MYH15: variants seen among roughly 807,000 people sequenced by gnomAD.
MYH15 encodes the protein myosin-15.
In MYH15, 227 loss-of-function variants were observed where a neutral mutation model predicts 240.5. The ratio of observed to expected loss-of-function variants is 0.94; its 90% confidence interval spans 0.85 to 1.05. The LOEUF (loss-of-function observed/expected upper bound fraction) is 1.05. MYH15 is among the 50% of genes least tolerant of loss of function. The pLI is 0.00. For missense variants in MYH15, 2,217 were observed against 2,247.5 expected, an observed-to-expected ratio of 0.99 and a Z score of 0.27; for synonymous variants, 785 against 796.7, an observed-to-expected ratio of 0.99 and a Z score of 0.25.
At chr3:108,452,037 A>G (rs939600119) in intron 21 of MYH15, among the ~76,000 whole-genome samples, 4 of 151,864 alleles carry the variant, frequency 2.6e-5, no homozygotes, top group African/African-American at 9.7e-5. Context: ...AAGGGAAATG[A>G]TAGCTTTCCC....
intron 21 of MYH15, among the ~76,000 whole-genome samples, chr3:108,449,221 G>A (rs2082952858): frequency 1.3e-5 from 2 of 151,832 alleles, no homozygotes; most frequent in Admixed American, 1.3e-4. Flanking sequence ...AATTCCAATG[G>A]CATTTTTTAC....
chr3:108,487,790 A>C (rs532277142), intron 9 of MYH15, among the ~76,000 whole-genome samples: 1 of 152,368 alleles, frequency 6.6e-6, no homozygotes, highest in East Asian at 1.9e-4. Context: ...AAACACGTGC[A>C]GTGTACTTTA....
chr3:108,403,308 C>A (rs539346935), intron 33 of MYH15, among the ~76,000 whole-genome samples: 13 of 151,732 alleles, frequency 8.6e-5, no homozygotes, highest in Middle Eastern at 6.8e-3. Flanking sequence ...GGGTCTCTTT[C>A]TCTTGCTTTC....
intron 7 of MYH15, among the ~76,000 whole-genome samples, chr3:108,493,748 G>T (rs919976893): frequency 1.3e-5 from 2 of 152,148 alleles, no homozygotes; most frequent in Non-Finnish European, 2.9e-5. Context: ...CAGAGAAAGG[G>T]GGGGCATAAA....
chr3:108,457,040 G>A (rs2083028125), intron 18 of MYH15, among the ~76,000 whole-genome samples, 157 bp from the exon 19 acceptor site: 1 of 152,168 alleles, frequency 6.6e-6, no homozygotes, highest in African/African-American at 2.4e-5. Flanking sequence ...TGGCCTGATA[G>A]TACTCACAGT....
chr3:108,463,899 C>T (rs200203834), intron 15 of MYH15, among the ~76,000 whole-genome samples: 1 of 151,778 alleles, frequency 6.6e-6, no homozygotes, highest in East Asian at 1.9e-4. Context: ...TTCACACCAG[C>T]AGTCCTTTAA....
chr3:108,400,727 T>C (rs1213766644), intron 33 of MYH15, among the ~76,000 whole-genome samples: 1 of 152,108 alleles, frequency 6.6e-6, no homozygotes, highest in East Asian at 1.9e-4. Context: ...GAGAATCACT[T>C]GAACCCAGAA....
At position 108,435,697 on chromosome 3, in the gene MYH15, T is replaced by C. The variant is rs952187196; in HGVS notation, c.3221+1857A>G. ...TGTGTATGTATATTTTATATACATA[T>C]ATATATATATATATGTATGTATACA... is the stretch of plus-strand genomic sequence containing the variant. On this transcript the variant is annotated intron_variant, in intron 25 of 40. Transcript: ENST00000693548. 4.2e-5 allele frequency among the ~76,000 whole-genome samples: 6 copies of C among 144,074 alleles called. No individual in the cohort carries two copies. In the East Asian group the frequency reaches 9.7e-4, roughly 23 times the overall value. The allele number at this position is 144,074 out of a possible 152,430, so 94.5% of individuals were successfully genotyped here. A position where few individuals can be genotyped will look rare whatever the true frequency, so the allele number is the denominator to read the frequency against.
At chr3:108,412,810 A>G (rs1241114240) in intron 30 of MYH15, among the ~76,000 whole-genome samples, 1 of 152,214 alleles carries the variant, frequency 6.6e-6, no homozygotes, top group Non-Finnish European at 1.5e-5. Flanking sequence ...TGGAAATCAA[A>G]GCAGGCAAAT....
intron 21 of MYH15, among the ~76,000 whole-genome samples, chr3:108,450,253 A>G (rs771414819): frequency 6.6e-6 from 1 of 152,216 alleles, no homozygotes; most frequent in Admixed American, 6.5e-5. Context: ...CTGCACTACT[A>G]TGTTCATTGT....
At position 108,391,609 on chromosome 3, in the gene MYH15, T is replaced by C. The variant is rs945805698; in HGVS notation, c.5430+151A>G. 1.2e-5 allele frequency: 10 copies of C among 823,962 alleles called. No individual in the cohort carries two copies. In the African/African-American group the frequency reaches 1.6e-4, roughly 13 times the overall value. 51.0% of individuals were successfully genotyped at this position (823,962 alleles called of 1,614,324 possible). ...GTCAAGCAAAGAATGAATGCATATA[T>C]TGAGATCTGACACTCTTAAATATCT... On this transcript the variant is annotated intron_variant, in intron 37 of 40. Coordinates refer to ENST00000693548, the MANE Select transcript of MYH15 (RefSeq NM_014981.3).
chr3:108,470,237 A>C, intron 13 of MYH15, 25 bp from the exon 14 acceptor site: 1 of 1,508,576 alleles, frequency 6.6e-7, no homozygotes, highest in Non-Finnish European at 8.9e-7. Flanking sequence ...ATAGGTAAGA[A>C]GAAGAGATAA....
At chr3:108,385,670 G>A (rs2082378250) in intron 38 of MYH15, among the ~76,000 whole-genome samples, 1 of 152,168 alleles carries the variant, frequency 6.6e-6, no homozygotes, top group South Asian at 2.1e-4. Flanking sequence ...TTGAGAAGCT[G>A]ATTTAATCAA....
intron 14 of MYH15, 133 bp from the exon 15 acceptor site, chr3:108,464,947 A>G (rs2083102556): frequency 1.4e-6 from 1 of 729,974 alleles, no homozygotes; most frequent in Admixed American, 3.1e-5. Context: ...AAAACTAGCA[A>G]TCATCCATTC....
chr3:108,426,896 A>G (rs575332340), intron 27 of MYH15, among the ~76,000 whole-genome samples: 1 of 152,278 alleles, frequency 6.6e-6, no homozygotes, highest in Non-Finnish European at 1.5e-5. Context: ...AGTCAAAAAG[A>G]TTATTCCCCA....
At chr3:108,504,304 G>A (rs2083458158) in intron 2 of MYH15, among the ~76,000 whole-genome samples, 1 of 152,126 alleles carries the variant, frequency 6.6e-6, no homozygotes, top group African/African-American at 2.4e-5. Context: ...ATTTTCCCTT[G>A]TCCACCTATT....
rs757006632 is a variant in MYH15, at chr3:108,393,994, T to C, written c.5259+37A>G. ...CCTTGGCCACTGCGCCAGTGAACTCTGGGAGACAGGATTGAGTACGTGGTC... is the reference window on the plus strand; with the variant it reads ...CCTTGGCCACTGCGCCAGTGAACTCCGGGAGACAGGATTGAGTACGTGGTC... On this transcript the variant is annotated intron_variant, in intron 36 of 40. Transcript: ENST00000693548. 6.8e-5 allele frequency: 110 copies of C among 1,612,490 alleles called. No individual in the cohort carries two copies. The South Asian group carries it at 1.2e-3, about 17-fold the overall frequency.
At chr3:108,451,045 G>C (rs751646157) in intron 21 of MYH15, among the ~76,000 whole-genome samples, 4 of 152,016 alleles carry the variant, frequency 2.6e-5, no homozygotes, top group Non-Finnish European at 5.9e-5. Flanking sequence ...AATAATTTAG[G>C]ATTATGCTCT....
intron 21 of MYH15, among the ~76,000 whole-genome samples, chr3:108,451,611 A>G (rs2082974428): frequency 6.6e-6 from 1 of 152,180 alleles, no homozygotes; most frequent in Admixed American, 6.5e-5. Context: ...TTCAAAGACC[A>G]GTTATAAACT....
Sources: allele counts gnomAD v4.1 joint callset (sites outside exome capture counted in the v4.1 genomes callset), GRCh38; gene constraint gnomAD v4.1.1; transcripts MANE v1.5; gene names NCBI Gene and HGNC (gene_info 2026-07-23, HGNC 2026-07-21).